The following ZBTB7C variants were observed in gnomAD, a reference collection of about 807,000 sequenced individuals.
ZBTB7C encodes the protein zinc finger and BTB domain containing 7C.
Under a neutral mutation model 25.7 loss-of-function variants are expected in ZBTB7C, and 8 were observed. That is an observed-to-expected ratio of 0.31 (90% CI 0.18 to 0.56). ZBTB7C has a LOEUF of 0.56. Among genes scored for constraint, ZBTB7C ranks in the 20% least tolerant of loss-of-function variants. ZBTB7C has a pLI of 0.91. For synonymous variants in ZBTB7C, 394 were observed against 369.0 expected (o/e 1.07, Z -0.78); for missense variants, 824 against 855.2 (o/e 0.96, Z 0.46).
chr18:48,111,652 G>T lies in ZBTB7C; in HGVS notation c.-16-70529C>A, dbSNP rs1052089145. Reference sequence around the variant, plus strand: ...TGGGATGGGAGAGATGTGATGAGGGGCCCAGAGGCAGCTTTGCCAAGTCAG... The same window carrying T: ...TGGGATGGGAGAGATGTGATGAGGGTCCCAGAGGCAGCTTTGCCAAGTCAG... On this transcript the variant is annotated intron_variant, in intron 3 of 4. Coordinates refer to ENST00000590800, the MANE Select transcript of ZBTB7C (RefSeq NM_001318841.2). Among the ~76,000 whole-genome samples, 3 of 152,190 alleles carry T rather than the reference G, an allele frequency of 2.0e-5. No homozygotes were observed. The South Asian group carries it at 6.2e-4, about 32-fold the overall frequency.
intron 3 of ZBTB7C, among the ~76,000 whole-genome samples, chr18:48,093,616 A>AC (rs1598865162): frequency 7.3e-6 from 1 of 137,482 alleles, no homozygotes; most frequent in Non-Finnish European, 1.6e-5. Context: ...ATTAAAAAAA[A>AC]ACAAAAAAAA....
At chr18:48,268,958 C>CTT (rs140699441) in intron 2 of ZBTB7C, among the ~76,000 whole-genome samples, 5,541 of 118,926 alleles carry the variant, frequency 0.047, 263 homozygotes, top group African/African-American at 0.089. Flanking sequence ...TGCTCTGTTT[C>CTT]TTTTTTTTTT....
intron 3 of ZBTB7C, among the ~76,000 whole-genome samples, chr18:48,167,260 C>T (rs555541284): frequency 1.3e-5 from 2 of 152,310 alleles, no homozygotes; most frequent in Admixed American, 1.3e-4. Flanking sequence ...CCTGCCCCTC[C>T]CACAGGCCCC....
chr18:48,229,284 C>T (rs2043188653), intron 2 of ZBTB7C, among the ~76,000 whole-genome samples: 1 of 152,128 alleles, frequency 6.6e-6, no homozygotes. Context: ...CTAATCTTCC[C>T]TGGCCATGGT....
intron 1 of ZBTB7C, among the ~76,000 whole-genome samples, chr18:48,341,973 T>A (rs2046611593): frequency 6.6e-6 from 1 of 152,140 alleles, no homozygotes; most frequent in African/African-American, 2.4e-5. Context: ...GAAAGGTCCA[T>A]CAGGGCCATT....
intron 2 of ZBTB7C, among the ~76,000 whole-genome samples, chr18:48,229,764 G>A (rs1172932847): frequency 6.6e-6 from 1 of 152,186 alleles, no homozygotes; most frequent in Non-Finnish European, 1.5e-5. Context: ...GGAAGACGTG[G>A]GGGAGTTGGA....
chr18:48,129,833 G>T (rs1236875899), intron 3 of ZBTB7C, among the ~76,000 whole-genome samples: 1 of 152,168 alleles, frequency 6.6e-6, no homozygotes, highest in East Asian at 1.9e-4. Context: ...CAGCACAGCT[G>T]TCCTGTGAAT....
At chr18:48,057,720 G>A (rs769197323) in intron 3 of ZBTB7C, among the ~76,000 whole-genome samples, 2 of 152,082 alleles carry the variant, frequency 1.3e-5, no homozygotes, top group African/African-American at 2.4e-5. Flanking sequence ...TTTTTGTAAT[G>A]TCTGATGCCT....
chr18:48,332,673 CTTTTT>C (rs58216606), intron 2 of ZBTB7C, among the ~76,000 whole-genome samples: 61 of 85,716 alleles, frequency 7.1e-4, no homozygotes, highest in African/African-American at 2.5e-3. Flanking sequence ...CTCTCCTTTG[CTTTTT>C]TTTTTTTTTT....
intron 3 of ZBTB7C, among the ~76,000 whole-genome samples, chr18:48,086,811 G>T (rs557140309): frequency 6.6e-6 from 1 of 152,134 alleles, no homozygotes; most frequent in African/African-American, 2.4e-5. Context: ...CTTTGCAAAC[G>T]CTTGTATGTT....
At chr18:48,402,502 T>C (rs781136537) in intron 1 of ZBTB7C, among the ~76,000 whole-genome samples, 8 of 152,112 alleles carry the variant, frequency 5.3e-5, no homozygotes, top group Non-Finnish European at 1.2e-4. Flanking sequence ...ATTCACAATG[T>C]GTTGGAAGGG....
intron 1 of ZBTB7C, among the ~76,000 whole-genome samples, chr18:48,369,950 T>C (rs944386000): frequency 3.3e-5 from 5 of 152,102 alleles, no homozygotes; most frequent in Admixed American, 6.5e-5. Flanking sequence ...TGCATTATTC[T>C]CAGGTGGCCC....
chr18:48,097,379 GTTGTTA>G, intron 3 of ZBTB7C, among the ~76,000 whole-genome samples: 1 of 73,388 alleles, frequency 1.4e-5, no homozygotes, highest in Admixed American at 1.8e-4. Context: ...TATTATTGTT[GTTGTTA>G]TTATTATTAT....
intron 2 of ZBTB7C, among the ~76,000 whole-genome samples, chr18:48,267,446 CAA>C (rs1306048985): frequency 5.3e-5 from 8 of 152,198 alleles, no homozygotes; most frequent in Admixed American, 4.6e-4. Context: ...AGTCTGGCAG[CAA>C]AGTCTTTTCA....
chr18:48,354,022 ACTCAATTGGTAG>A (rs1378379070), intron 1 of ZBTB7C, among the ~76,000 whole-genome samples: 1 of 152,180 alleles, frequency 6.6e-6, no homozygotes, highest in Non-Finnish European at 1.5e-5. Flanking sequence ...AACAAAATAC[ACTCAATTGGTAG>A]CAGAAATCGG....
intron 2 of ZBTB7C, among the ~76,000 whole-genome samples, chr18:48,238,402 C>T (rs1220155226): frequency 6.6e-6 from 1 of 152,110 alleles, no homozygotes; most frequent in Admixed American, 6.6e-5. Flanking sequence ...ATTCAAAGAC[C>T]TTTTGAAGGA....
At chr18:48,284,679 T>G (rs2044982112) in intron 2 of ZBTB7C, among the ~76,000 whole-genome samples, 1 of 150,876 alleles carries the variant, frequency 6.6e-6, no homozygotes, top group Non-Finnish European at 1.5e-5. Flanking sequence ...TAATCCCAAC[T>G]ACTCAGGAGG....
chr18:48,334,149 G>A (rs2046403995), intron 2 of ZBTB7C, among the ~76,000 whole-genome samples: 1 of 152,166 alleles, frequency 6.6e-6, no homozygotes, highest in Non-Finnish European at 1.5e-5. Flanking sequence ...GATGGATTAT[G>A]AGCTTTCACA....
intron 1 of ZBTB7C, among the ~76,000 whole-genome samples, chr18:48,393,400 A>G (rs936826505): frequency 4.6e-5 from 7 of 151,946 alleles, no homozygotes; most frequent in African/African-American, 1.7e-4. Flanking sequence ...TCCCCTTTCT[A>G]GAGTCACGGC....
Sources: gnomAD v4.1 joint callset for allele counts (sites outside exome capture counted in the v4.1 genomes callset) on GRCh38, gnomAD v4.1.1 for gene constraint, MANE v1.5 for transcripts, NCBI Gene and HGNC (gene_info 2026-07-23, HGNC 2026-07-21) for gene names.